The following TOPAZ1 variants were observed in gnomAD, a reference collection of about 807,000 sequenced individuals.
The protein encoded by TOPAZ1 is protein TOPAZ1.
In TOPAZ1, 66 loss-of-function variants were observed where a neutral mutation model predicts 172.2. The ratio of observed to expected loss-of-function variants is 0.38; its 90% CI spans 0.31 to 0.47. The LOEUF is 0.47. Among genes scored for constraint, TOPAZ1 ranks in the 20% least tolerant of loss-of-function variants. The pLI is 0.99. For synonymous variants in TOPAZ1, 681 were observed against 683.9 expected (o/e 1.00, Z 0.07); for missense variants, 1,822 against 1,972.4 (o/e 0.92, Z 1.44).
chr3:44,298,933 T>C (rs1700236496), intron 12 of TOPAZ1, among the ~76,000 whole-genome samples: 2 of 48,400 alleles, frequency 4.1e-5, no homozygotes, highest in African/African-American at 6.4e-5. Flanking sequence ...TTTTTTTTTT[T>C]TCCCCCTGAG....
chr3:44,320,083 A>T (rs1169795380), intron 16 of TOPAZ1, among the ~76,000 whole-genome samples: 1 of 152,036 alleles, frequency 6.6e-6, no homozygotes, highest in Non-Finnish European at 1.5e-5. Flanking sequence ...TGTTTTTCTC[A>T]ATGTGAAAAT....
intron 16 of TOPAZ1, among the ~76,000 whole-genome samples, chr3:44,315,628 T>C (rs540519213): frequency 1.1e-4 from 17 of 150,306 alleles, no homozygotes; most frequent in Non-Finnish European, 2.1e-4. Context: ...CACCTTGGCC[T>C]CCCAAAGTGC....
At position 44,275,323 on chromosome 3, in the gene TOPAZ1, C is replaced by T. The variant is rs919120301; in HGVS notation, c.3372+4513C>T. On this transcript the variant is annotated intron_variant, in intron 8 of 19. Transcript: ENST00000309765. ...TATACCTTCCAACTGTATGTTTATA[C>T]TATTTGACCAACCACTCTTTTTCCC... is the stretch of plus-strand genomic sequence containing the variant. Among the ~76,000 whole-genome samples the T allele has an allele frequency of 2.2e-4, 33 of 152,050 alleles. 1 individual carries two copies. Among genetic ancestry groups the T allele is most frequent in the African/African-American group, 8.0e-4 (33 of 41,330 alleles).
In TOPAZ1 at chr3:44,315,520, A is replaced by G. The variant is rs1234408820; in HGVS notation, c.4307-5507A>G. On this transcript the variant is annotated intron_variant, in intron 16 of 19. Transcript: ENST00000309765. ...GTAGCTGGGATTACAGGTGTGCACC[A>G]CCACGTCTGGCTATTTTTTTTTTTT... Among the ~76,000 whole-genome samples, 5 of 144,472 alleles carry G rather than the reference A, an allele frequency of 3.5e-5. No homozygotes were observed. The East Asian group carries it at 1.0e-3, about 30-fold the overall frequency. 94.8% of individuals were successfully genotyped at this position (144,472 alleles called of 152,430 possible).
chr3:44,323,956 T>C (rs1463252926), intron 18 of TOPAZ1, among the ~76,000 whole-genome samples: 1 of 152,214 alleles, frequency 6.6e-6, no homozygotes, highest in Non-Finnish European at 1.5e-5. Flanking sequence ...TGTCTTCAGC[T>C]ACCATTTCTA....
rs950120098 is a variant in TOPAZ1 at position 44,245,236 on chromosome 3, A to G, written c.2730A>G (p.Glu910=). Reference sequence around the variant, plus strand: ...AATCAACAGACTCCAAGTACATGGAAACTCCAGTAAAAAAAGAACCAAGTG... The same window carrying G: ...AATCAACAGACTCCAAGTACATGGAGACTCCAGTAAAAAAAGAACCAAGTG... ...EHQSTDSKYM[E]TPVKKEPSDD... is the part of the protein sequence containing the mutation. The change falls in exon 2 of 20, where the codon GAA becomes GAG. Residue 910 remains glutamate, a synonymous_variant. Coordinates refer to ENST00000309765, the MANE Select transcript of TOPAZ1 (RefSeq NM_001145030.2). 8.4e-6 allele frequency: 13 copies of G among 1,541,180 alleles called. No homozygotes were observed. The highest frequency in any genetic ancestry group is 1.1e-5 in the Non-Finnish European group (13 of 1,143,766).
rs142233121 is a variant in TOPAZ1 at position 44,255,238 on chromosome 3, A to T, written c.2827+209A>T. ...TTTCTGTTTGATTATTTAATAAATA[A>T]CTTTGTTAGGCTTTATCTACAAAAG... is the stretch of plus-strand genomic sequence containing the variant. On this transcript the variant is annotated intron_variant, in intron 3 of 19. Coordinates refer to ENST00000309765, the MANE Select transcript of TOPAZ1 (RefSeq NM_001145030.2). 2.1e-3 allele frequency among the ~76,000 whole-genome samples: 315 copies of T among 152,322 alleles called. 1 individual carries two copies. Among genetic ancestry groups the T allele is most frequent in the African/African-American group, 6.4e-3 (267 of 41,562 alleles).
intron 8 of TOPAZ1, among the ~76,000 whole-genome samples, chr3:44,274,580 A>G (rs1383916184): frequency 1.4e-5 from 2 of 142,678 alleles, no homozygotes; most frequent in African/African-American, 5.1e-5. Flanking sequence ...TTTTTTTGAG[A>G]TGGATTTCTT....
intron 8 of TOPAZ1, among the ~76,000 whole-genome samples, chr3:44,281,637 A>G (rs544729019): frequency 4.6e-5 from 7 of 152,212 alleles, no homozygotes; most frequent in Non-Finnish European, 1.0e-4. Context: ...CAAAAAGACC[A>G]TCTTTTCCCC....
At chr3:44,289,234 C>A (rs1700109631) in intron 11 of TOPAZ1, among the ~76,000 whole-genome samples, 1 of 152,146 alleles carries the variant, frequency 6.6e-6, no homozygotes, top group Non-Finnish European at 1.5e-5. Context: ...TCAGTGAATA[C>A]AGTTAGACCA....
At chr3:44,327,381 C>G (rs1355082394) in intron 18 of TOPAZ1, among the ~76,000 whole-genome samples, 4 of 114,890 alleles carry the variant, frequency 3.5e-5, no homozygotes, top group Non-Finnish European at 7.3e-5. Context: ...TTTGGATGTT[C>G]TAGAAGTTTT....
intron 12 of TOPAZ1, among the ~76,000 whole-genome samples, chr3:44,295,823 C>G (rs1157813159): frequency 6.6e-6 from 1 of 152,058 alleles, no homozygotes; most frequent in Non-Finnish European, 1.5e-5. Flanking sequence ...GATAGAAATA[C>G]TGGGAAATCA....
chr3:44,299,740 G>T (rs1700246357), intron 12 of TOPAZ1, among the ~76,000 whole-genome samples: 1 of 150,110 alleles, frequency 6.7e-6, no homozygotes, highest in South Asian at 2.1e-4. Context: ...AAGAAAATGT[G>T]GCACATATAC....
rs1245175918 is a variant in TOPAZ1, at chr3:44,267,021, T to C, written c.3045T>C (p.Phe1015=). ...CKSKDSRNAD[F]MVGECQFAVP... Reference sequence around the variant, plus strand: ...GCAAAGATTCTAGAAATGCAGACTTTATGGTCGGCGAATGTCAATTTGCAG... The same window carrying C: ...GCAAAGATTCTAGAAATGCAGACTTCATGGTCGGCGAATGTCAATTTGCAG... Residue 1015 remains phenylalanine (F), a synonymous_variant, in exon 6 of 20, where the codon TTT becomes TTC. Coordinates refer to ENST00000309765, the MANE Select transcript of TOPAZ1 (RefSeq NM_001145030.2). 1.3e-6 allele frequency: 2 copies of C among 1,545,856 alleles called. No homozygotes were observed. The highest frequency in any genetic ancestry group is 1.7e-6 in the Non-Finnish European group (2 of 1,145,034).
At position 44,267,485 on chromosome 3, in the gene TOPAZ1, C is replaced by T. The variant is rs1033675630; in HGVS notation, c.3160+349C>T. 6.6e-5 allele frequency among the ~76,000 whole-genome samples: 10 copies of T among 151,762 alleles called. 1 individual carries two copies. The highest frequency in any genetic ancestry group is 1.7e-4 in the African/African-American group (7 of 41,384). On this transcript the variant is annotated intron_variant, in intron 6 of 19. Transcript: ENST00000309765. ...AATTTTTTTGTATTTTTAGTAGAGA[C>T]GGGGTTTAACGGTGTTGGCCAGGCT...
intron 11 of TOPAZ1, among the ~76,000 whole-genome samples, chr3:44,290,552 G>A (rs1307380249): frequency 6.6e-6 from 1 of 152,208 alleles, no homozygotes; most frequent in African/African-American, 2.4e-5. Context: ...AACTTAGAGA[G>A]CAGGAAGAAA....
chr3:44,244,912 A>C lies in TOPAZ1; in HGVS notation c.2406A>C (p.Thr802=). Residue 802 remains threonine (T), a synonymous_variant, in exon 2 of 20, where the codon ACA becomes ACC. Transcript: ENST00000309765. ...CTAATAAAGAAGTTGCTTCTCTCACAGTTGAAAATAATGCTTTTTCTTGTG... is the reference window on the plus strand; with the variant it reads ...CTAATAAAGAAGTTGCTTCTCTCACCGTTGAAAATAATGCTTTTTCTTGTG... ...IVSNKEVASL[T]VENNAFSCDP... 6.4e-7 allele frequency: 1 copy of C among 1,551,780 alleles called. No homozygotes were observed. The highest frequency in any genetic ancestry group is 8.7e-7 in the Non-Finnish European group (1 of 1,147,008).
At chr3:44,305,992 C>T (rs932346425) in intron 14 of TOPAZ1, among the ~76,000 whole-genome samples, 9 of 152,152 alleles carry the variant, frequency 5.9e-5, no homozygotes, top group African/African-American at 2.2e-4. Flanking sequence ...TCAACAGAGT[C>T]TATATAGTTT....
At chr3:44,323,371 A>T in intron 18 of TOPAZ1, 76 bp downstream of exon 18, 1 of 887,586 alleles carries the variant, frequency 1.1e-6, no homozygotes, top group East Asian at 2.8e-5. Flanking sequence ...AATATATAAG[A>T]TTAGATATTT....
Sources: gnomAD v4.1 joint callset for allele counts (sites outside exome capture counted in the v4.1 genomes callset) on GRCh38, gnomAD v4.1.1 for gene constraint, MANE v1.5 for transcripts, NCBI Gene and HGNC (gene_info 2026-07-23, HGNC 2026-07-21) for gene names.